Variants in PACS1 observed in about 807,000 individuals in gnomAD.
The protein encoded by PACS1 is PACS-1.
PACS1 carries 24 observed loss-of-function variants against 115.0 expected under a neutral mutation model. That is an observed-to-expected ratio of 0.21 (90% CI 0.15 to 0.29). The LOEUF is 0.29. Among genes scored for constraint, PACS1 ranks in the 10% least tolerant of loss-of-function variants. PACS1 has a pLI of 1.00. For missense variants in PACS1, 838 were observed against 1,251.2 expected (o/e 0.67, Z 4.98); for synonymous variants, 453 against 504.5 (o/e 0.90, Z 1.37).
intron 1 of PACS1, among the ~76,000 whole-genome samples, chr11:66,186,259 G>A (rs1854369179): frequency 6.6e-6 from 1 of 151,444 alleles, no homozygotes; most frequent in Non-Finnish European, 1.5e-5. Flanking sequence ...CTGGGTGACA[G>A]AGCAAGACCC....
chr11:66,093,663 C>A (rs1464501769), intron 1 of PACS1, among the ~76,000 whole-genome samples: 37 of 148,230 alleles, frequency 2.5e-4, no homozygotes, highest in South Asian at 6.5e-4. Flanking sequence ...CAAGGATACC[C>A]AGGAATTGAA....
chr11:66,133,747 C>T (rs7124165), intron 1 of PACS1, among the ~76,000 whole-genome samples: 29,217 of 152,140 alleles, frequency 0.19, 2,891 homozygotes, highest in Middle Eastern at 0.28. Context: ...TCAAGCGATC[C>T]TCCTATCTCA....
chr11:66,239,175 C>G lies in PACS1; in HGVS notation c.2327C>G (p.Thr776Ser), dbSNP rs140167187. Reference sequence around the variant, plus strand: ...GACGATTCTCCTGTGGTCAGCCTTACTGTGCCCTCCACATCACCACCCTCC... The same window carrying G: ...GACGATTCTCCTGTGGTCAGCCTTAGTGTGCCCTCCACATCACCACCCTCC... ...DGDDSPVVSL[T>S]VPSTSPPSSS... is the part of the protein sequence containing the mutation. The change falls in exon 21 of 24, where the codon ACT becomes AGT. Residue 776 changes from threonine to serine, a missense_variant. Physicochemically the swap from Thr to Ser is moderately conservative, Grantham distance 58. Around this residue, in one of 6 missense-constraint regions of PACS1, gnomAD observed 383 missense variants for 537.0 expected, o/e 0.71. Coordinates refer to ENST00000320580, the MANE Select transcript of PACS1 (RefSeq NM_018026.4). 4.7e-5 allele frequency: 76 copies of G among 1,614,188 alleles called. No individual in the cohort carries two copies. Among genetic ancestry groups the G allele is most frequent in the Admixed American group, 6.7e-5 (4 of 60,030 alleles).
intron 1 of PACS1, among the ~76,000 whole-genome samples, chr11:66,130,535 A>G (rs1858675144): frequency 6.6e-6 from 1 of 152,152 alleles, no homozygotes; most frequent in Non-Finnish European, 1.5e-5. Flanking sequence ...TGTGTTTAAT[A>G]TGTATCCTTG....
intron 3 of PACS1, 56 bp downstream of exon 3, chr11:66,210,507 ACAGT>A: frequency 8.2e-7 from 1 of 1,222,688 alleles, no homozygotes; most frequent in Non-Finnish European, 1.2e-6. Context: ...TAGTCCCCAG[ACAGT>A]CCTCTAACCC....
intron 21 of PACS1, among the ~76,000 whole-genome samples, chr11:66,240,702 G>A (rs770649635): frequency 6.6e-5 from 10 of 151,934 alleles, no homozygotes; most frequent in Non-Finnish European, 1.0e-4. Context: ...ACCCCACAGC[G>A]GAAGGGTTTC....
At chr11:66,155,852 C>G (rs747899152) in intron 1 of PACS1, among the ~76,000 whole-genome samples, 8 of 152,066 alleles carry the variant, frequency 5.3e-5, no homozygotes, top group Non-Finnish European at 1.2e-4. Context: ...GATGAACAAA[C>G]TGTGCTGTCC....
At chr11:66,184,304 C>A (rs1392591578) in intron 1 of PACS1, among the ~76,000 whole-genome samples, 1 of 96,846 alleles carries the variant, frequency 1.0e-5, no homozygotes, top group Non-Finnish European at 1.9e-5. Context: ...CAGAGTGAGA[C>A]CCTGTCTCAA....
intron 4 of PACS1, among the ~76,000 whole-genome samples, chr11:66,213,771 C>T (rs1256550835): frequency 6.6e-6 from 1 of 152,200 alleles, no homozygotes; most frequent in African/African-American, 2.4e-5. Flanking sequence ...CAGTGGCTTA[C>T]GCCTGTAATT....
chr11:66,096,168 A>C (rs1018144706), intron 1 of PACS1, among the ~76,000 whole-genome samples: 4 of 149,810 alleles, frequency 2.7e-5, no homozygotes, highest in Admixed American at 2.0e-4. Context: ...CCTGCCCTCA[A>C]GTGAGCCACC....
chr11:66,210,246 G>T, intron 2 of PACS1, 116 bp from the exon 3 acceptor site: 1 of 758,726 alleles, frequency 1.3e-6, no homozygotes, highest in Non-Finnish European at 2.3e-6. Context: ...TGTTGCCCCA[G>T]GCTGGTCTCA....
chr11:66,157,946 C>T (rs1411953314), intron 1 of PACS1, among the ~76,000 whole-genome samples: 1 of 152,020 alleles, frequency 6.6e-6, no homozygotes, highest in African/African-American at 2.4e-5. Flanking sequence ...CATAGAATTT[C>T]TAGTTAGCTC....
chr11:66,224,193 C>T (rs1855420342), intron 10 of PACS1, among the ~76,000 whole-genome samples: 1 of 73,494 alleles, frequency 1.4e-5, no homozygotes, highest in Non-Finnish European at 2.6e-5. Flanking sequence ...AAGACTCCAT[C>T]TCAAAAAAAA....
chr11:66,071,590 G>A (rs548177079), intron 1 of PACS1, among the ~76,000 whole-genome samples: 7 of 152,288 alleles, frequency 4.6e-5, no homozygotes, highest in Non-Finnish European at 1.0e-4. Flanking sequence ...TTCTGTTTTT[G>A]TATTGGCAAG....
intron 2 of PACS1, among the ~76,000 whole-genome samples, chr11:66,197,887 G>A (rs905451384): frequency 3.3e-5 from 5 of 152,134 alleles, no homozygotes; most frequent in South Asian, 2.1e-4. Flanking sequence ...ATCACTTTGC[G>A]TCTGGATTTT....
At chr11:66,211,644 A>G (rs1855071885) in intron 4 of PACS1, among the ~76,000 whole-genome samples, 1 of 152,206 alleles carries the variant, frequency 6.6e-6, no homozygotes, top group Admixed American at 6.5e-5. Context: ...TCCGAGAGTA[A>G]GTTGCTGGCA....
At chr11:66,183,335 A>G (rs947292034) in intron 1 of PACS1, among the ~76,000 whole-genome samples, 12 of 152,178 alleles carry the variant, frequency 7.9e-5, no homozygotes, top group African/African-American at 2.7e-4. Context: ...AATAGAAACA[A>G]TTTTAGAAAT....
chr11:66,181,840 T>C (rs1036345183), intron 1 of PACS1, among the ~76,000 whole-genome samples: 4 of 152,152 alleles, frequency 2.6e-5, no homozygotes, highest in South Asian at 2.1e-4. Flanking sequence ...TACTAATGGG[T>C]TGTCATGAAT....
chr11:66,148,191 A>G (rs146090253), intron 1 of PACS1, among the ~76,000 whole-genome samples: 5 of 152,270 alleles, frequency 3.3e-5, no homozygotes, highest in African/African-American at 9.6e-5. Flanking sequence ...GTCTCACTCT[A>G]TTGCCCAGGC....
Sources: gnomAD v4.1 joint callset for allele counts (sites outside exome capture counted in the v4.1 genomes callset) on GRCh38, gnomAD v4.1.1 for gene constraint, gnomAD v4.1.1 regional missense constraint, MANE v1.5 for transcripts, NCBI Gene and HGNC (gene_info 2026-07-23, HGNC 2026-07-21) for gene names.